Variants in ST6GALNAC3 observed in about 807,000 individuals in gnomAD.
ST6GALNAC3 encodes the protein ST6 N-acetylgalactosaminide alpha-2,6-sialyltransferase 3.
A neutral mutation model predicts 32.7 loss-of-function variants in ST6GALNAC3; 25 were observed. That is an observed-to-expected ratio of 0.76 (90% CI 0.56 to 1.07). The LOEUF (loss-of-function observed/expected upper bound fraction) is 1.07, where lower values mean the gene tolerates loss of function less well. ST6GALNAC3 is among the 50% of genes least tolerant of loss of function. The pLI is 0.00. For synonymous variants in ST6GALNAC3, 129 were observed against 133.1 expected (o/e 0.97, Z 0.21); for missense variants, 355 against 382.4 (o/e 0.93, Z 0.60).
chr1:76,406,963 G>A (rs994907693), intron 2 of ST6GALNAC3, among the ~76,000 whole-genome samples: 3 of 152,018 alleles, frequency 2.0e-5, no homozygotes, highest in African/African-American at 4.8e-5. Flanking sequence ...CCTGTAATAG[G>A]CATTCAATCA....
chr1:76,505,859 G>A (rs1661450536), intron 3 of ST6GALNAC3, among the ~76,000 whole-genome samples: 1 of 152,148 alleles, frequency 6.6e-6, no homozygotes, highest in Non-Finnish European at 1.5e-5. Context: ...TGGGGAAAGT[G>A]GGTGCAGCTT....
intron 3 of ST6GALNAC3, among the ~76,000 whole-genome samples, chr1:76,464,474 AG>A (rs1364437026): frequency 6.6e-6 from 1 of 152,172 alleles, no homozygotes; most frequent in Non-Finnish European, 1.5e-5. Flanking sequence ...GGATGGAGGT[AG>A]GTATCCCGGG....
chr1:76,459,384 G>A (rs1319798263), intron 3 of ST6GALNAC3, among the ~76,000 whole-genome samples: 2 of 152,088 alleles, frequency 1.3e-5, no homozygotes, highest in African/African-American at 4.8e-5. Context: ...CTAACACAGT[G>A]AAACCCCATC....
Position 76,391,542 on chromosome 1 carries a change from TC to T in ST6GALNAC3, c.214-20464del, listed in dbSNP as rs1652555861. On this transcript the variant is annotated intron_variant, in intron 2 of 4. Transcript: ENST00000328299. ...GAAAGACCTTCCTTCCTTCCTTCCT[TC>T]CTTCCTTCCTTCCTTCCTTCCTTCC... 2.7e-5 allele frequency among the ~76,000 whole-genome samples: 4 copies of T among 150,048 alleles called. No individual in the cohort carries two copies. In the South Asian group the frequency reaches 8.8e-4, roughly 33 times the overall value.
intron 1 of ST6GALNAC3, among the ~76,000 whole-genome samples, chr1:76,304,035 AAAAG>A (rs1660889038): frequency 6.6e-6 from 1 of 152,120 alleles, no homozygotes; most frequent in South Asian, 2.1e-4. Context: ...TTAAGAAAAA[AAAAG>A]AAAATTGCCT....
At chr1:76,597,067 C>G (rs1264136553) in intron 3 of ST6GALNAC3, among the ~76,000 whole-genome samples, 1 of 152,104 alleles carries the variant, frequency 6.6e-6, no homozygotes, top group Non-Finnish European at 1.5e-5. Flanking sequence ...AGTCTAAAAG[C>G]ATAAACCAGA....
Position 76,604,518 on chromosome 1 carries a change from C to T in ST6GALNAC3, c.624-22934C>T, listed in dbSNP as rs568755750. Among the ~76,000 whole-genome samples the T allele has an allele frequency of 3.3e-5, 5 of 152,318 alleles. No individual in the cohort carries two copies. The East Asian group carries it at 9.6e-4, about 29-fold the overall frequency. ...ATCTCATTCTTTGGCTCTTTTCCCT[C>T]TGCTCACACCTCAAATGTTAGTGTT... On this transcript the variant is annotated intron_variant, in intron 3 of 4. Coordinates refer to ENST00000328299, the MANE Select transcript of ST6GALNAC3 (RefSeq NM_152996.4).
chr1:76,244,303 C>T (rs554186251), intron 1 of ST6GALNAC3, among the ~76,000 whole-genome samples: 1 of 152,186 alleles, frequency 6.6e-6, no homozygotes, highest in East Asian at 1.9e-4. Flanking sequence ...ATTTTGTATC[C>T]TGAGACCTTG....
intron 1 of ST6GALNAC3, among the ~76,000 whole-genome samples, chr1:76,228,241 G>C (rs1656183346): frequency 6.6e-6 from 1 of 152,178 alleles, no homozygotes; most frequent in Admixed American, 6.5e-5. Flanking sequence ...TTTAAGCAAA[G>C]TCCTGTGGTT....
At chr1:76,184,695 A>G (rs1653440075) in intron 1 of ST6GALNAC3, among the ~76,000 whole-genome samples, 1 of 152,148 alleles carries the variant, frequency 6.6e-6, no homozygotes, top group Non-Finnish European at 1.5e-5. Flanking sequence ...ACCCATGGGA[A>G]CAGATGGAGT....
chr1:76,493,333 T>G (rs543006569), intron 3 of ST6GALNAC3, among the ~76,000 whole-genome samples: 1 of 152,254 alleles, frequency 6.6e-6, no homozygotes, highest in Admixed American at 6.5e-5. Context: ...AAATAACCCT[T>G]AGAGGAGGAC....
At chr1:76,168,973 G>A (rs564813418) in intron 1 of ST6GALNAC3, among the ~76,000 whole-genome samples, 10 of 152,234 alleles carry the variant, frequency 6.6e-5, no homozygotes, top group African/African-American at 1.9e-4. Context: ...ATATTGATAT[G>A]TGAGGATTTG....
intron 3 of ST6GALNAC3, among the ~76,000 whole-genome samples, chr1:76,500,607 T>C (rs1477431412): frequency 6.6e-6 from 1 of 152,212 alleles, no homozygotes; most frequent in Non-Finnish European, 1.5e-5. Flanking sequence ...TTTTAATCAA[T>C]GTCACAGGTG....
At chr1:76,397,493 C>T (rs1326411894) in intron 2 of ST6GALNAC3, among the ~76,000 whole-genome samples, 1 of 151,770 alleles carries the variant, frequency 6.6e-6, no homozygotes, top group African/African-American at 2.4e-5. Context: ...CCTCAGCCTC[C>T]CGAGTAACTG....
At chr1:76,143,392 C>CGTGTGTGTGTGTGTGTGTGT (rs4034974) in intron 1 of ST6GALNAC3, among the ~76,000 whole-genome samples, 1 of 142,350 alleles carries the variant, frequency 7.0e-6, no homozygotes, top group Non-Finnish European at 1.5e-5. Context: ...CTTACCAAGT[C>CGTGTGTGTGTGTGTGTGTGT]GTGTGTGTGT....
intron 3 of ST6GALNAC3, among the ~76,000 whole-genome samples, chr1:76,472,838 G>A (rs1659121616): frequency 6.6e-6 from 1 of 152,100 alleles, no homozygotes; most frequent in African/African-American, 2.4e-5. Context: ...GAGGCCAGAG[G>A]TAGATACAGG....
intron 2 of ST6GALNAC3, among the ~76,000 whole-genome samples, chr1:76,330,956 A>G (rs1360327899): frequency 1.3e-5 from 2 of 152,160 alleles, no homozygotes; most frequent in Non-Finnish European, 2.9e-5. Context: ...GGTATCCAAG[A>G]CCATAGAGGC....
At chr1:76,591,302 G>A (rs1026576181) in intron 3 of ST6GALNAC3, among the ~76,000 whole-genome samples, 4 of 152,064 alleles carry the variant, frequency 2.6e-5, no homozygotes, top group Non-Finnish European at 5.9e-5. Flanking sequence ...CCACCCTGAG[G>A]CAACCACTGT....
At chr1:76,243,222 T>C (rs1657067170) in intron 1 of ST6GALNAC3, among the ~76,000 whole-genome samples, 1 of 152,230 alleles carries the variant, frequency 6.6e-6, no homozygotes, top group Non-Finnish European at 1.5e-5. Flanking sequence ...GAGCTTTTTT[T>C]CATATGTTTT....
Sources: allele counts gnomAD v4.1 joint callset (sites outside exome capture counted in the v4.1 genomes callset), GRCh38; gene constraint gnomAD v4.1.1; transcripts MANE v1.5; gene names NCBI Gene and HGNC (gene_info 2026-07-23, HGNC 2026-07-21).